Variants in PCDHGA4 observed in about 807,000 individuals in gnomAD.
PCDHGA4 encodes protocadherin gamma-A4.
A neutral mutation model predicts 54.6 loss-of-function variants in PCDHGA4; 38 were observed. The ratio of observed to expected loss-of-function variants is 0.70; its 90% confidence interval spans 0.54 to 0.91. The LOEUF (loss-of-function observed/expected upper bound fraction) is 0.91, where lower values mean the gene tolerates loss of function less well. Ranked by LOEUF, PCDHGA4 falls within the 40% of genes least tolerant of loss-of-function variation. PCDHGA4 has a pLI of 0.00. For synonymous variants in PCDHGA4, 511 were observed against 512.9 expected (o/e 1.00, Z 0.05); for missense variants, 1,298 against 1,220.9 (o/e 1.06, Z -0.94).
At chr5:141,381,071 G>T (rs1343917347) in intron 1 of PCDHGA4, among the ~76,000 whole-genome samples, 1 of 152,172 alleles carries the variant, frequency 6.6e-6, no homozygotes, top group Non-Finnish European at 1.5e-5. Context: ...GATAACTATG[G>T]ATTATTTTGA....
At chr5:141,372,684 G>A (rs199934753) in intron 1 of PCDHGA4, 524 of 1,613,850 alleles carry the variant, frequency 3.2e-4, no homozygotes, top group Non-Finnish European at 4.1e-4. Flanking sequence ...CTCAAACACC[G>A]AGTTTAAATT....
At chr5:141,474,772 G>T (rs1053853138) in intron 1 of PCDHGA4, among the ~76,000 whole-genome samples, 1 of 152,182 alleles carries the variant, frequency 6.6e-6, no homozygotes, top group Non-Finnish European at 1.5e-5. Context: ...AATAGTATGA[G>T]GCTCTAACAC....
rs755254491 is a variant in PCDHGA4, at chr5:141,409,746, T to TCG, written c.2514+52129_2514+52130dup. On this transcript the variant is annotated intron_variant, in intron 1 of 3. Transcript: ENST00000571252. ...GTGAGCGCGCAGAGCGGGGTGGTGT[T>TCG]CGCGCAGCGCGCCTTTGATCACGAG... The TCG allele has an allele frequency of 3.1e-6, 5 of 1,613,024 alleles. No homozygotes were observed. The South Asian group carries it at 5.5e-5, about 18-fold the overall frequency.
intron 1 of PCDHGA4, chr5:141,364,142 A>C (rs1588593091): frequency 3.9e-6 from 2 of 513,968 alleles, no homozygotes; most frequent in South Asian, 1.1e-4. Context: ...CCAAAGTGGG[A>C]AAGAAGCTGC....
intron 1 of PCDHGA4, chr5:141,430,853 C>A: frequency 6.3e-7 from 1 of 1,587,214 alleles, no homozygotes; most frequent in Non-Finnish European, 8.6e-7. Flanking sequence ...CACCCAGATA[C>A]GCTATTCAGT....
intron 1 of PCDHGA4, among the ~76,000 whole-genome samples, chr5:141,373,098 C>A (rs1402463048): frequency 6.6e-6 from 1 of 152,208 alleles, no homozygotes; most frequent in African/African-American, 2.4e-5. Flanking sequence ...CTGTCATTTT[C>A]AGACATATCT....
In PCDHGA4 at chr5:141,491,921, A is replaced by T; in HGVS notation, c.2515-2886A>T. ...CCGGGGGTGGTGGCGACTGTGGGCG[A>T]GGGGAGGTGGGACCGACCCCCACCC... On this transcript the variant is annotated intron_variant, in intron 1 of 3. Coordinates refer to ENST00000571252, the MANE Select transcript of PCDHGA4 (RefSeq NM_018917.4). The surrounding 1 kb of genome is among the most constrained non-coding windows in gnomAD (Gnocchi z 6.9). The T allele has an allele frequency of 1.5e-6, 2 of 1,353,738 alleles. No homozygotes were observed. Among genetic ancestry groups the T allele is most frequent in the Non-Finnish European group, 2.0e-6 (2 of 1,013,388 alleles). 83.9% of individuals were successfully genotyped at this position (1,353,738 alleles called of 1,614,324 possible). A position where few individuals can be genotyped will look rare whatever the true frequency, so the allele number is the denominator to read the frequency against.
chr5:141,403,263 T>A, intron 1 of PCDHGA4: 1 of 1,613,872 alleles, frequency 6.2e-7, no homozygotes, highest in East Asian at 2.2e-5. Flanking sequence ...CGGTGTCTGG[T>A]GAACTTTAAA....
At chr5:141,374,310 C>G (rs770058469) in intron 1 of PCDHGA4, 4 of 1,614,006 alleles carry the variant, frequency 2.5e-6, no homozygotes, top group South Asian at 1.1e-5. Flanking sequence ...CAGCTTTTCT[C>G]TCTGAATCCG....
chr5:141,384,649 C>T lies in PCDHGA4; in HGVS notation c.2514+27028C>T, dbSNP rs778822731. ...GGAGCTGGCACCCCGCTCCGCAGAGCCCGGCTACCTGGTGACCAAGGTGGT... is the reference window on the plus strand; with the variant it reads ...GGAGCTGGCACCCCGCTCCGCAGAGTCCGGCTACCTGGTGACCAAGGTGGT... On this transcript the variant is annotated intron_variant, in intron 1 of 3. Transcript: ENST00000571252. The T allele has an allele frequency of 3.7e-5, 60 of 1,614,114 alleles. No homozygotes were observed. The Middle Eastern group carries it at 4.9e-4, about 13-fold the overall frequency.
chr5:141,421,404 G>A, intron 1 of PCDHGA4: 17 of 1,614,080 alleles, frequency 1.1e-5, no homozygotes, highest in Non-Finnish European at 1.4e-5. Flanking sequence ...AGCCCCGGGA[G>A]CTGGCGAAGC....
chr5:141,406,757 A>C (rs1274112027), intron 1 of PCDHGA4, among the ~76,000 whole-genome samples: 3 of 152,230 alleles, frequency 2.0e-5, no homozygotes, highest in Non-Finnish European at 4.4e-5. Context: ...CAAAACAAGG[A>C]ATTAAAAATA....
Position 141,486,253 on chromosome 5 carries a change from C to A in PCDHGA4, c.2515-8554C>A. The A allele has an allele frequency of 6.2e-7, 1 of 1,614,138 alleles. No individual in the cohort carries two copies. Among genetic ancestry groups the A allele is most frequent in the Non-Finnish European group, 8.5e-7 (1 of 1,180,006 alleles). On this transcript the variant is annotated intron_variant, in intron 1 of 3. Transcript: ENST00000571252. This position sits in a 1 kb window ranked among gnomAD's most constrained non-coding sequence, Gnocchi z 5.0. ...TGACCTCAGAGCTTGGAACCCTCCC[C>A]GAGAGTGCAGAACCTGGCACTGTGG...
Position 141,490,867 on chromosome 5 carries a change from C to G in PCDHGA4, c.2515-3940C>G. ...GGGGGTTCGAGACTCCGGCTCTCCC[C>G]CATTGCATGCCAACACATCTCTGCA... On this transcript the variant is annotated intron_variant, in intron 1 of 3. Coordinates refer to ENST00000571252, the MANE Select transcript of PCDHGA4 (RefSeq NM_018917.4). This position sits in a 1 kb window ranked among gnomAD's most constrained non-coding sequence, Gnocchi z 5.4. 6.2e-7 allele frequency: 1 copy of G among 1,613,912 alleles called. No individual in the cohort carries two copies. The highest frequency in any genetic ancestry group is 8.5e-7 in the Non-Finnish European group (1 of 1,179,936).
chr5:141,472,865 A>G (rs1329594490), intron 1 of PCDHGA4, among the ~76,000 whole-genome samples: 3 of 149,558 alleles, frequency 2.0e-5, no homozygotes, highest in Non-Finnish European at 4.5e-5. Flanking sequence ...ACATGCCTGT[A>G]TTCCCAGCTA....
chr5:141,498,273 A>G (rs1595516143), intron 2 of PCDHGA4, among the ~76,000 whole-genome samples: 1 of 152,038 alleles, frequency 6.6e-6, no homozygotes, highest in East Asian at 1.9e-4. Flanking sequence ...TCTTCAGTAA[A>G]CTTGGTTCAA....
At chr5:141,459,831 G>A (rs907978430) in intron 1 of PCDHGA4, among the ~76,000 whole-genome samples, 1 of 152,150 alleles carries the variant, frequency 6.6e-6, no homozygotes, top group Admixed American at 6.6e-5. Context: ...CTTTTCATGT[G>A]TTGTCTATTT....
intron 1 of PCDHGA4, chr5:141,426,438 G>A (rs567163831): frequency 4.7e-5 from 14 of 300,110 alleles, no homozygotes; most frequent in Admixed American, 1.7e-4. Context: ...GGAACCTTGC[G>A]GAGGACATGC....
chr5:141,422,677 C>G, intron 1 of PCDHGA4: 1 of 1,606,186 alleles, frequency 6.2e-7, no homozygotes, highest in Non-Finnish European at 8.5e-7. Context: ...GGACAGCAAA[C>G]AGAATGCCCT....
Sources: allele counts gnomAD v4.1 joint callset (sites outside exome capture counted in the v4.1 genomes callset), GRCh38; gene constraint gnomAD v4.1.1; non-coding constraint Gnocchi (gnomAD v3.1); transcripts MANE v1.5; gene names NCBI Gene and HGNC (gene_info 2026-07-23, HGNC 2026-07-21).